TMEM132D: variants seen among roughly 807,000 people sequenced by gnomAD.
TMEM132D encodes mature OL transmembrane protein.
Under a neutral mutation model 62.3 loss-of-function variants are expected in TMEM132D, and 21 were observed. The observed-to-expected ratio is 0.34, with a 90% CI of 0.24 to 0.49. The LOEUF is 0.49. Among genes scored for constraint, TMEM132D ranks in the 20% least tolerant of loss-of-function variants. The probability of loss-of-function intolerance (pLI) is 0.99; values close to 1 mark genes in which losing one functional copy is unlikely to be tolerated. For missense variants in TMEM132D, 1,346 were observed against 1,402.8 expected, an observed-to-expected ratio of 0.96 and a Z score of 0.65; for synonymous variants, 621 against 575.6, an observed-to-expected ratio of 1.08 and a Z score of -1.13.
At chr12:129,533,099 G>C (rs971013079) in intron 2 of TMEM132D, among the ~76,000 whole-genome samples, 7 of 152,168 alleles carry the variant, frequency 4.6e-5, no homozygotes, top group African/African-American at 1.4e-4. Context: ...AGAAAGAATT[G>C]CTTCTAGGTG....
intron 1 of TMEM132D, among the ~76,000 whole-genome samples, chr12:129,713,538 A>T (rs577282277): frequency 6.6e-6 from 1 of 152,300 alleles, no homozygotes; most frequent in South Asian, 2.1e-4. Flanking sequence ...AGCCAGACAC[A>T]GCAGACAATC....
intron 2 of TMEM132D, among the ~76,000 whole-genome samples, chr12:129,645,654 T>C (rs1374174988): frequency 1.3e-5 from 2 of 152,088 alleles, no homozygotes; most frequent in African/African-American, 4.8e-5. Context: ...TTATAACCAG[T>C]GTTGAGATAG....
At chr12:129,658,262 A>C (rs1199041110) in intron 2 of TMEM132D, among the ~76,000 whole-genome samples, 1 of 152,230 alleles carries the variant, frequency 6.6e-6, no homozygotes, top group Non-Finnish European at 1.5e-5. Flanking sequence ...GAATTTAGAT[A>C]AACAGTTGCA....
chr12:129,518,315 A>G (rs1875741189), intron 3 of TMEM132D, among the ~76,000 whole-genome samples: 1 of 152,192 alleles, frequency 6.6e-6, no homozygotes, highest in Non-Finnish European at 1.5e-5. Flanking sequence ...TGAGACTCTA[A>G]GATCATGAGA....
At chr12:129,244,106 C>A (rs1176047290) in intron 4 of TMEM132D, among the ~76,000 whole-genome samples, 1 of 152,168 alleles carries the variant, frequency 6.6e-6, no homozygotes, top group African/African-American at 2.4e-5. Flanking sequence ...ATTATTCCGG[C>A]CGGGTGCGGT....
chr12:129,375,842 C>T (rs1453709125), intron 3 of TMEM132D, among the ~76,000 whole-genome samples: 3 of 152,184 alleles, frequency 2.0e-5, no homozygotes, highest in Non-Finnish European at 4.4e-5. Context: ...GTTCTCAGCT[C>T]ACTCAGCATG....
intron 5 of TMEM132D, among the ~76,000 whole-genome samples, chr12:129,117,619 T>C (rs956590105): frequency 3.9e-5 from 6 of 152,184 alleles, no homozygotes; most frequent in African/African-American, 1.4e-4. Flanking sequence ...GCCTTTCTCC[T>C]GGGGCTGCAC....
intron 3 of TMEM132D, among the ~76,000 whole-genome samples, chr12:129,354,315 G>GTATA (rs35875993): frequency 0.36 from 52,795 of 147,664 alleles, 9,344 homozygotes; most frequent in Middle Eastern, 0.4. Flanking sequence ...ACTTTATTGG[G>GTATA]TATATATATA....
intron 4 of TMEM132D, among the ~76,000 whole-genome samples, chr12:129,264,845 G>T (rs1880643782): frequency 6.6e-6 from 1 of 152,168 alleles, no homozygotes. Flanking sequence ...TGTTCTCACT[G>T]ATATGTGGGA....
intron 3 of TMEM132D, among the ~76,000 whole-genome samples, chr12:129,417,972 G>C (rs1593371749): frequency 1.3e-5 from 2 of 152,338 alleles, no homozygotes; most frequent in East Asian, 1.9e-4. Flanking sequence ...CTGGTCATTA[G>C]AGAAATGCAA....
intron 5 of TMEM132D, among the ~76,000 whole-genome samples, chr12:129,137,890 GT>G (rs10665290): frequency 2.2e-4 from 33 of 150,104 alleles, no homozygotes; most frequent in South Asian, 4.2e-4. Flanking sequence ...CAAATAAGAG[GT>G]TTTTTTTTTC....
At position 129,277,402 on chromosome 12, in the gene TMEM132D, C is replaced by A. The variant is rs1314205106; in HGVS notation, c.1299+60232G>T. ...CTACTCTTACTGCCACAAAGAATTT[C>A]AATATTAAATTTGTCGAGGAAAGAA... On this transcript the variant is annotated intron_variant, in intron 4 of 8. Coordinates refer to ENST00000422113, the MANE Select transcript of TMEM132D (RefSeq NM_133448.3). This position sits in a 1 kb window ranked among gnomAD's most constrained non-coding sequence, Gnocchi z 4.2. Among the ~76,000 whole-genome samples, 3 of 152,138 alleles carry A rather than the reference C, an allele frequency of 2.0e-5. No individual in the cohort carries two copies. Among genetic ancestry groups the A allele is most frequent in the African/African-American group, 7.2e-5 (3 of 41,434 alleles).
At chr12:129,513,598 C>G (rs971497344) in intron 3 of TMEM132D, among the ~76,000 whole-genome samples, 1 of 151,060 alleles carries the variant, frequency 6.6e-6, no homozygotes, top group African/African-American at 2.4e-5. Context: ...CATTCTCCTG[C>G]CTCAGCCTCC....
chr12:129,439,679 C>T (rs1249742362), intron 3 of TMEM132D, among the ~76,000 whole-genome samples: 2 of 152,174 alleles, frequency 1.3e-5, no homozygotes, highest in Non-Finnish European at 2.9e-5. Flanking sequence ...GAACTGCTGA[C>T]CTCAAGTGAT....
At chr12:129,521,879 T>C (rs1214866621) in intron 3 of TMEM132D, 4 of 151,396 alleles carry the variant, frequency 2.6e-5, no homozygotes, top group Non-Finnish European at 5.9e-5. Context: ...AGAATTGGGA[T>C]AGAAATAAAA....
chr12:129,185,773 G>GTCTGTCTGTCTGTCTGTCTGTCTGTCTA (rs796145548), intron 5 of TMEM132D, among the ~76,000 whole-genome samples: 4 of 136,018 alleles, frequency 2.9e-5, no homozygotes, highest in East Asian at 2.4e-4. Flanking sequence ...CTGTCTGTCT[G>GTCTGTCTGTCTGTCTGTCTGTCTGTCTA]TCTATCTATC....
At chr12:129,174,764 C>G (rs183017774) in intron 5 of TMEM132D, among the ~76,000 whole-genome samples, 253 of 152,300 alleles carry the variant, frequency 1.7e-3, no homozygotes, top group African/African-American at 5.9e-3. Context: ...TTGTAATAAT[C>G]ACCATTCTGA....
intron 3 of TMEM132D, among the ~76,000 whole-genome samples, chr12:129,464,725 G>C (rs1873823797): frequency 1.3e-5 from 2 of 152,106 alleles, no homozygotes; most frequent in Admixed American, 6.5e-5. Context: ...TTATTAAATA[G>C]GGAATCCTTT....
chr12:129,612,894 G>A (rs1284073340), intron 2 of TMEM132D, among the ~76,000 whole-genome samples: 1 of 152,144 alleles, frequency 6.6e-6, no homozygotes, highest in Non-Finnish European at 1.5e-5. Context: ...AAAAAGACCT[G>A]GACTTTTGTT....
Sources: allele counts gnomAD v4.1 joint callset (sites outside exome capture counted in the v4.1 genomes callset), GRCh38; gene constraint gnomAD v4.1.1; non-coding constraint Gnocchi (gnomAD v3.1); transcripts MANE v1.5; gene names NCBI Gene and HGNC (gene_info 2026-07-23, HGNC 2026-07-21).